The following PHACTR1 variants were observed in gnomAD, a reference collection of about 807,000 sequenced individuals.
PHACTR1 encodes phosphatase and actin regulator 1, also known as RPEL repeat containing 1.
Under a neutral mutation model 69.2 loss-of-function variants are expected in PHACTR1, and 16 were observed. The ratio of observed to expected loss-of-function variants is 0.23; its 90% CI spans 0.16 to 0.35. The LOEUF (loss-of-function observed/expected upper bound fraction) is 0.35. Ranked by LOEUF, PHACTR1 falls within the 10% of genes least tolerant of loss-of-function variation. PHACTR1 has a pLI of 1.00. For synonymous variants in PHACTR1, 312 were observed against 284.5 expected, an observed-to-expected ratio of 1.10 and a Z score of -0.97; for missense variants, 510 against 734.7, an observed-to-expected ratio of 0.69 and a Z score of 3.54.
chr6:13,090,869 T>C (rs541240100), intron 5 of PHACTR1, among the ~76,000 whole-genome samples: 1 of 152,352 alleles, frequency 6.6e-6, no homozygotes, highest in South Asian at 2.1e-4. Flanking sequence ...CAGATGATTT[T>C]AGGATGATTT....
intron 4 of PHACTR1, among the ~76,000 whole-genome samples, chr6:12,834,533 G>T (rs1777943283): frequency 6.6e-6 from 1 of 152,126 alleles, no homozygotes; most frequent in South Asian, 2.1e-4. Flanking sequence ...CTACACAAAG[G>T]TATATGCAAA....
intron 5 of PHACTR1, among the ~76,000 whole-genome samples, chr6:13,074,661 TAAG>T (rs57861020): frequency 0.014 from 2,131 of 152,214 alleles, 53 homozygotes; most frequent in African/African-American, 0.049. Flanking sequence ...AGAAATATAA[TAAG>T]AAGGATGTAC....
intron 4 of PHACTR1, among the ~76,000 whole-genome samples, chr6:12,901,975 C>T (rs577443805): frequency 3.9e-5 from 6 of 152,196 alleles, no homozygotes; most frequent in South Asian, 4.2e-4. Flanking sequence ...ATGTCTGGGA[C>T]GTTTTTGGTT....
intron 3 of PHACTR1, among the ~76,000 whole-genome samples, chr6:12,719,371 G>C (rs1489806102): frequency 2.0e-5 from 3 of 152,184 alleles, no homozygotes; most frequent in African/African-American, 7.2e-5. Flanking sequence ...TGGTTGATGT[G>C]TCCGTTTTTA....
intron 4 of PHACTR1, among the ~76,000 whole-genome samples, chr6:12,818,579 C>G (rs1198969407): frequency 1.3e-5 from 2 of 152,186 alleles, no homozygotes; most frequent in Non-Finnish European, 2.9e-5. Context: ...TGTGGTCACT[C>G]AGATTCTACA....
chr6:13,126,183 A>C lies in PHACTR1; in HGVS notation c.416-34021A>C, dbSNP rs184625113. On this transcript the variant is annotated intron_variant, in intron 5 of 14. Transcript: ENST00000332995. ...GAATTGGCTGTGTGTGAGTGTGTGT[A>C]AATTAGAATTTATGTTAGTCAGTTC... 3.9e-5 allele frequency among the ~76,000 whole-genome samples: 6 copies of C among 152,282 alleles called. No individual in the cohort carries two copies. In the East Asian group the frequency reaches 1.2e-3, roughly 29 times the overall value.
intron 4 of PHACTR1, among the ~76,000 whole-genome samples, chr6:13,003,576 C>A (rs976948058): frequency 6.6e-6 from 1 of 151,858 alleles, no homozygotes; most frequent in Non-Finnish European, 1.5e-5. Flanking sequence ...GCCTTCATTA[C>A]TGCTTCTTTT....
intron 4 of PHACTR1, among the ~76,000 whole-genome samples, chr6:12,765,236 A>G (rs932596671): frequency 2.0e-5 from 3 of 152,234 alleles, no homozygotes; most frequent in African/African-American, 7.2e-5. Context: ...ATTGCATGAA[A>G]TATTAATCTA....
intron 4 of PHACTR1, among the ~76,000 whole-genome samples, chr6:12,955,192 C>CTTTTTTTCTTTTTTTTTTTTT (rs1791738310): frequency 9.7e-6 from 1 of 103,284 alleles, no homozygotes; most frequent in African/African-American, 5.1e-5. Flanking sequence ...TGTATTTCCT[C>CTTTTTTTCTTTTTTTTTTTTT]TTTTTTTTTT....
intron 11 of PHACTR1, chr6:13,274,749 C>T (rs1487415565): frequency 6.6e-6 from 1 of 152,166 alleles, no homozygotes; most frequent in Non-Finnish European, 1.5e-5. Flanking sequence ...GTTTTTACCG[C>T]CATCAACCAG....
chr6:12,978,213 G>A (rs1347785578), intron 4 of PHACTR1, among the ~76,000 whole-genome samples: 1 of 152,176 alleles, frequency 6.6e-6, no homozygotes, highest in Admixed American at 6.5e-5. Context: ...GGCCGCCAGA[G>A]TCTGTGTTCA....
intron 4 of PHACTR1, among the ~76,000 whole-genome samples, chr6:12,995,707 T>C (rs1375669218): frequency 2.6e-5 from 4 of 152,014 alleles, no homozygotes; most frequent in Non-Finnish European, 5.9e-5. Flanking sequence ...CATAGGAAGA[T>C]GTAAAAATTT....
At chr6:12,836,124 C>T (rs1042546635) in intron 4 of PHACTR1, among the ~76,000 whole-genome samples, 4 of 152,108 alleles carry the variant, frequency 2.6e-5, no homozygotes, top group Non-Finnish European at 5.9e-5. Context: ...GCTTGAATTG[C>T]TTTCTGTAAC....
In PHACTR1 at chr6:12,750,036, A is replaced by G. The variant is rs572236020; in HGVS notation, c.250+246A>G. On this transcript the variant is annotated intron_variant, in intron 4 of 14. Transcript: ENST00000332995. ...GGCTTCCCCGGCACGGGGAGGAGGA[A>G]GTGCTGTCAGTGACCACAGTGATCC... Among the ~76,000 whole-genome samples the G allele has an allele frequency of 4.6e-5, 7 of 152,256 alleles. No individual in the cohort carries two copies. In the East Asian group the frequency reaches 9.8e-4, roughly 21 times the overall value.
chr6:12,918,483 C>A (rs1445444945), intron 4 of PHACTR1, among the ~76,000 whole-genome samples: 1 of 152,196 alleles, frequency 6.6e-6, no homozygotes, highest in Non-Finnish European at 1.5e-5. Context: ...CATTTATAAT[C>A]GTGTTTGTTG....
intron 4 of PHACTR1, among the ~76,000 whole-genome samples, chr6:12,782,920 A>G (rs1771016263): frequency 6.6e-6 from 1 of 152,250 alleles, no homozygotes; most frequent in Non-Finnish European, 1.5e-5. Context: ...GAGGGGCAAA[A>G]AAAGGATAAA....
chr6:13,165,673 A>G (rs559986188), intron 6 of PHACTR1, among the ~76,000 whole-genome samples: 9 of 152,306 alleles, frequency 5.9e-5, no homozygotes, highest in Non-Finnish European at 1.3e-4. Context: ...CAATGCAATC[A>G]TGGAGGACCT....
chr6:13,009,796 T>C (rs1444890976), intron 4 of PHACTR1, among the ~76,000 whole-genome samples: 1 of 152,122 alleles, frequency 6.6e-6, no homozygotes, highest in Non-Finnish European at 1.5e-5. Flanking sequence ...GGCCAATGGC[T>C]GCCCATCCTT....
chr6:13,015,955 A>C (rs770836372), intron 4 of PHACTR1, among the ~76,000 whole-genome samples: 1 of 152,150 alleles, frequency 6.6e-6, no homozygotes, highest in Non-Finnish European at 1.5e-5. Flanking sequence ...AATCCTGCCA[A>C]TCTATTGTGT....
Sources: allele counts gnomAD v4.1 joint callset (sites outside exome capture counted in the v4.1 genomes callset), GRCh38; gene constraint gnomAD v4.1.1; transcripts MANE v1.5; gene names NCBI Gene and HGNC (gene_info 2026-07-23, HGNC 2026-07-21).